Variants in CADPS observed in about 807,000 individuals in gnomAD.
CADPS encodes the protein calcium-dependent secretion activator 1.
Under a neutral mutation model 167.3 loss-of-function variants are expected in CADPS, and 57 were observed. The ratio of observed to expected loss-of-function variants is 0.34; its 90% CI spans 0.28 to 0.42. The LOEUF is 0.42. Among genes scored for constraint, CADPS ranks in the 20% least tolerant of loss-of-function variants. The pLI, the probability that CADPS is intolerant of heterozygous loss-of-function variation, is 1.00. For missense variants in CADPS, 1,414 were observed against 1,738.1 expected (o/e 0.81, Z 3.32); for synonymous variants, 676 against 635.3 (o/e 1.06, Z -0.96).
At chr3:62,795,454 A>G (rs1017367225) in intron 1 of CADPS, among the ~76,000 whole-genome samples, 23 of 152,168 alleles carry the variant, frequency 1.5e-4, no homozygotes, top group African/African-American at 5.1e-4. Context: ...GTGACACTCA[A>G]TAAACATTAA....
intron 1 of CADPS, among the ~76,000 whole-genome samples, chr3:62,781,463 C>T (rs181579009): frequency 7.4e-4 from 113 of 152,226 alleles, no homozygotes; most frequent in African/African-American, 2.3e-3. Context: ...AGAGTAGATA[C>T]GCTGAATCAG....
chr3:62,585,397 T>A, intron 7 of CADPS, 73 bp from the exon 8 acceptor site: 3 of 1,496,482 alleles, frequency 2.0e-6, no homozygotes, highest in Non-Finnish European at 2.7e-6. Flanking sequence ...AAACTTTGAT[T>A]CTGAGTAGTG....
intron 3 of CADPS, among the ~76,000 whole-genome samples, chr3:62,735,366 A>G (rs1016424766): frequency 1.3e-5 from 1 of 79,760 alleles, no homozygotes. Flanking sequence ...CAGCAAAGCA[A>G]TAAATGTTAC....
At chr3:62,807,607 C>T (rs1219393551) in intron 1 of CADPS, among the ~76,000 whole-genome samples, 3 of 151,934 alleles carry the variant, frequency 2.0e-5, no homozygotes, top group African/African-American at 7.3e-5. Context: ...AACTCATTTC[C>T]AATTTTTCAA....
In CADPS at chr3:62,412,748, C is replaced by T. The variant is rs2049209733; in HGVS notation, c.3778-9563G>A. Among the ~76,000 whole-genome samples the T allele has an allele frequency of 1.3e-5, 2 of 152,104 alleles. No individual in the cohort carries two copies. The highest frequency in any genetic ancestry group is 2.1e-4 in the South Asian group (1 of 4,824). On this transcript the variant is annotated intron_variant, in intron 28 of 29. Coordinates refer to ENST00000383710, the MANE Select transcript of CADPS (RefSeq NM_003716.4). This position sits in a 1 kb window ranked among gnomAD's most constrained non-coding sequence, Gnocchi z 4.1. Reference sequence around the variant, plus strand: ...GCATGGGGGAAATTTCAAGGGGAGGCAAGAGTCCAGAAGGATCCTTTCTAA... The same window carrying T: ...GCATGGGGGAAATTTCAAGGGGAGGTAAGAGTCCAGAAGGATCCTTTCTAA...
At position 62,765,845 on chromosome 3, in the gene CADPS, G is replaced by T. The variant is rs779442470; in HGVS notation, c.555+26C>A. On this transcript the variant is annotated intron_variant, in intron 2 of 29. Coordinates refer to ENST00000383710, the MANE Select transcript of CADPS (RefSeq NM_003716.4). ...CAGGCATAGGGCTTGAGTGGTCTTG[G>T]CATTCTTCTGAACAGTGATTCTCAC... 18 of 1,488,006 alleles carry T rather than the reference G, an allele frequency of 1.2e-5. No homozygotes were observed. In the South Asian group the frequency reaches 2.1e-4, roughly 17 times the overall value. 92.2% of individuals were successfully genotyped at this position (1,488,006 alleles called of 1,614,324 possible).
chr3:62,596,088 T>TACACACACACACACACAC (rs56780830), intron 6 of CADPS, among the ~76,000 whole-genome samples: 1 of 135,902 alleles, frequency 7.4e-6, no homozygotes, highest in African/African-American at 2.9e-5. Context: ...TATATATGTA[T>TACACACACACACACACAC]ACACACACAC....
chr3:62,863,332 G>T (rs1406600440), intron 1 of CADPS, among the ~76,000 whole-genome samples: 1 of 152,098 alleles, frequency 6.6e-6, no homozygotes, highest in Non-Finnish European at 1.5e-5. Flanking sequence ...CTCTTCTGTA[G>T]GATTGGGATG....
At chr3:62,691,919 C>A (rs1445414794) in intron 3 of CADPS, among the ~76,000 whole-genome samples, 2 of 151,678 alleles carry the variant, frequency 1.3e-5, no homozygotes, top group African/African-American at 4.9e-5. Flanking sequence ...GCACATGTAC[C>A]CCTGAACTAA....
chr3:62,446,002 C>T lies in CADPS; in HGVS notation c.3637-205G>A, dbSNP rs183199849. On this transcript the variant is annotated intron_variant, in intron 26 of 29. Transcript: ENST00000383710. The surrounding 1 kb of genome is among the most constrained non-coding windows in gnomAD (Gnocchi z 4.9). ...TTTGCAGAAAGAGAGAATGCACACG[C>T]AAATTTACTGATTCAGATTCTGTTG... Among the ~76,000 whole-genome samples, 1 of 152,304 alleles carries T rather than the reference C, an allele frequency of 6.6e-6. No homozygotes were observed. Among genetic ancestry groups the T allele is most frequent in the East Asian group, 1.9e-4 (1 of 5,180 alleles).
At chr3:62,622,661 G>A (rs1335360425) in intron 6 of CADPS, among the ~76,000 whole-genome samples, 1 of 152,076 alleles carries the variant, frequency 6.6e-6, no homozygotes, top group Non-Finnish European at 1.5e-5. Flanking sequence ...TGAGCTGCAT[G>A]GGTACACTGG....
chr3:62,490,642 T>A (rs145784101), intron 21 of CADPS, among the ~76,000 whole-genome samples: 115 of 152,348 alleles, frequency 7.5e-4, no homozygotes, highest in Admixed American at 1.9e-3. Context: ...CACACGGTTG[T>A]CAAATACATT....
chr3:62,782,553 C>G (rs1001627784), intron 1 of CADPS, among the ~76,000 whole-genome samples: 1 of 152,034 alleles, frequency 6.6e-6, no homozygotes, highest in Non-Finnish European at 1.5e-5. Flanking sequence ...CATGAAGACA[C>G]CAAAGGGCAA....
chr3:62,792,962 A>C (rs1216891299), intron 1 of CADPS, among the ~76,000 whole-genome samples: 1 of 152,164 alleles, frequency 6.6e-6, no homozygotes, highest in Non-Finnish European at 1.5e-5. Flanking sequence ...CAGTCAGACT[A>C]CTTGGATCAG....
At chr3:62,538,493 C>G (rs553105867) in intron 11 of CADPS, among the ~76,000 whole-genome samples, 1 of 152,104 alleles carries the variant, frequency 6.6e-6, no homozygotes, top group Non-Finnish European at 1.5e-5. Context: ...GGGGTACACA[C>G]GAATTGCTCA....
Position 62,765,856 on chromosome 3 carries a change from A to C in CADPS, c.555+15T>G, listed in dbSNP as rs559759012. On this transcript the variant is annotated intron_variant, in intron 2 of 29. Coordinates refer to ENST00000383710, the MANE Select transcript of CADPS (RefSeq NM_003716.4). ...CTTGAGTGGTCTTGGCATTCTTCTG[A>C]ACAGTGATTCTCACCTCATAGTAAC... 2 of 1,560,600 alleles carry C rather than the reference A, an allele frequency of 1.3e-6. No homozygotes were observed. The highest frequency in any genetic ancestry group is 3.3e-5 in the Admixed American group (2 of 59,770).
intron 6 of CADPS, among the ~76,000 whole-genome samples, chr3:62,599,023 G>C (rs1277830292): frequency 2.0e-5 from 3 of 152,120 alleles, no homozygotes; most frequent in Non-Finnish European, 4.4e-5. Flanking sequence ...ACCCAAAAAT[G>C]AATCTATTTT....
At chr3:62,629,268 CTGTT>C (rs1257286479) in intron 6 of CADPS, among the ~76,000 whole-genome samples, 1 of 152,148 alleles carries the variant, frequency 6.6e-6, no homozygotes, top group Non-Finnish European at 1.5e-5. Flanking sequence ...TCCTTTGTGT[CTGTT>C]TGTAGTCAAC....
chr3:62,643,497 T>C (rs1028027504), intron 6 of CADPS, among the ~76,000 whole-genome samples: 4 of 152,234 alleles, frequency 2.6e-5, no homozygotes, highest in African/African-American at 9.6e-5. Flanking sequence ...GCCACATGTA[T>C]AGTTATGAGT....
Sources: gnomAD v4.1 joint callset for allele counts (sites outside exome capture counted in the v4.1 genomes callset) on GRCh38, gnomAD v4.1.1 for gene constraint, Gnocchi (gnomAD v3.1) non-coding constraint, MANE v1.5 for transcripts, NCBI Gene and HGNC (gene_info 2026-07-23, HGNC 2026-07-21) for gene names.